LEPR: variants seen among roughly 807,000 people sequenced by gnomAD.
LEPR encodes OB receptor.
In LEPR, 56 loss-of-function variants were observed where a neutral mutation model predicts 114.7. The ratio of observed to expected loss-of-function variants is 0.49; its 90% confidence interval spans 0.39 to 0.61. LEPR has a LOEUF of 0.61. Ranked by LOEUF, LEPR falls within the 20% of genes least tolerant of loss-of-function variation. The pLI, the probability that LEPR is intolerant of heterozygous loss-of-function variation, is 0.00. For missense variants in LEPR, 1,202 were observed against 1,352.9 expected, an observed-to-expected ratio of 0.89 and a Z score of 1.75; for synonymous variants, 443 against 461.4, an observed-to-expected ratio of 0.96 and a Z score of 0.51.
At chr1:65,431,604 A>T (rs538799111) in intron 2 of LEPR, among the ~76,000 whole-genome samples, 6 of 152,348 alleles carry the variant, frequency 3.9e-5, no homozygotes, top group African/African-American at 1.4e-4. Context: ...TAAGGATGAT[A>T]CCAGACTTAA....
intron 8 of LEPR, among the ~76,000 whole-genome samples, chr1:65,600,197 G>A (rs1281734731): frequency 6.6e-6 from 1 of 152,098 alleles, no homozygotes; most frequent in African/African-American, 2.4e-5. Context: ...ACTGAAGGTA[G>A]GTTAAGATAG....
intron 1 of LEPR, among the ~76,000 whole-genome samples, chr1:65,423,269 A>G (rs1025402838): frequency 6.6e-5 from 10 of 152,134 alleles, no homozygotes; most frequent in African/African-American, 2.2e-4. Flanking sequence ...TGGGTTGAAC[A>G]TAAGTTTTCA....
At chr1:65,439,344 A>T (rs1646615273) in intron 2 of LEPR, among the ~76,000 whole-genome samples, 1 of 152,234 alleles carries the variant, frequency 6.6e-6, no homozygotes, top group Non-Finnish European at 1.5e-5. Context: ...ATATAAATCA[A>T]TTGAATAGAA....
chr1:65,512,253 A>G (rs1649072336), intron 2 of LEPR, among the ~76,000 whole-genome samples: 1 of 152,124 alleles, frequency 6.6e-6, no homozygotes, highest in Non-Finnish European at 1.5e-5. Context: ...TTCAATAGAA[A>G]CTGCCCCCAT....
chr1:65,606,765 A>G lies in LEPR; in HGVS notation c.1603+1528A>G, dbSNP rs115609856. The stretch of plus-strand genomic sequence containing the variant: ...TTCCTTTCCTGACAAGAAATTATCA[A>G]GAGGTGAAATACAGTATATATCATC... On this transcript the variant is annotated intron_variant, in intron 11 of 19. Coordinates refer to ENST00000349533, the MANE Select transcript of LEPR (RefSeq NM_002303.6). Among the ~76,000 whole-genome samples the G allele has an allele frequency of 6.8e-3, 1,029 of 152,340 alleles. 8 individuals are homozygous for G. Among genetic ancestry groups the G allele is most frequent in the African/African-American group, 0.022 (917 of 41,574 alleles).
intron 7 of LEPR, among the ~76,000 whole-genome samples, chr1:65,598,177 A>G (rs1348743771): frequency 1.4e-5 from 2 of 140,450 alleles, no homozygotes; most frequent in Non-Finnish European, 1.5e-5. Context: ...CAAGTGGTCT[A>G]CCCACTTCGG....
chr1:65,455,353 G>A (rs879811809), intron 2 of LEPR, among the ~76,000 whole-genome samples: 1 of 152,186 alleles, frequency 6.6e-6, no homozygotes, highest in South Asian at 2.1e-4. Context: ...GAGGAGGAGA[G>A]GTGCTCTGCT....
intron 2 of LEPR, among the ~76,000 whole-genome samples, chr1:65,540,631 T>A (rs1012063960): frequency 6.6e-6 from 1 of 152,198 alleles, no homozygotes; most frequent in Non-Finnish European, 1.5e-5. Context: ...TGAACCAAAA[T>A]AAAACACTTT....
intron 2 of LEPR, among the ~76,000 whole-genome samples, chr1:65,543,401 T>G (rs1399421261): frequency 6.6e-6 from 1 of 151,962 alleles, no homozygotes; most frequent in Non-Finnish European, 1.5e-5. Flanking sequence ...AATTTTCTCC[T>G]ATTCCGTAGG....
intron 2 of LEPR, chr1:65,433,564 G>A (rs910661264): frequency 1.0e-6 from 1 of 984,886 alleles, no homozygotes; most frequent in East Asian, 1.1e-4. Flanking sequence ...TAATTAGCAG[G>A]TATGATGCTG....
At chr1:65,603,351 TCA>T (rs35530125) in intron 10 of LEPR, among the ~76,000 whole-genome samples, 34 of 149,794 alleles carry the variant, frequency 2.3e-4, no homozygotes, top group Middle Eastern at 3.4e-3. Context: ...CACCATTTAT[TCA>T]CACACACACA....
In LEPR at chr1:65,636,381, T is replaced by A. The variant is rs1371343913; in HGVS notation, c.2864T>A (p.Ile955Asn). 6.2e-7 allele frequency: 1 copy of A among 1,614,090 alleles called. No homozygotes were observed. Among genetic ancestry groups the A allele is most frequent in the Non-Finnish European group, 8.5e-7 (1 of 1,179,996 alleles). The change falls in exon 20 of 20, where the codon ATT (isoleucine) becomes AAT (asparagine). Residue 955 changes from isoleucine to asparagine, a missense_variant. Transcript: ENST00000349533. ...GATCTTGAAAAGGGTTCTGTTTGTA[T>A]TAGTGACCAGTTCAACAGTGTTAAC... ...TTDLEKGSVCISDQFNSVNFS... is the reference protein window; with the variant it reads ...TTDLEKGSVCNSDQFNSVNFS...
chr1:65,436,757 A>C (rs1646569318), intron 2 of LEPR, among the ~76,000 whole-genome samples: 1 of 152,252 alleles, frequency 6.6e-6, no homozygotes, highest in Admixed American at 6.5e-5. Flanking sequence ...GAATAATTCT[A>C]AGTGTTTACA....
At chr1:65,550,085 C>A (rs1417968166) in intron 2 of LEPR, among the ~76,000 whole-genome samples, 1 of 152,176 alleles carries the variant, frequency 6.6e-6, no homozygotes, top group East Asian at 1.9e-4. Flanking sequence ...CCACTCCAGA[C>A]CCTGTTTGCC....
chr1:65,453,834 C>T (rs555252117), intron 2 of LEPR, among the ~76,000 whole-genome samples: 37 of 151,800 alleles, frequency 2.4e-4, no homozygotes, highest in Admixed American at 7.2e-4. Flanking sequence ...TCCTGGGTAT[C>T]CTTGTTGACT....
At chr1:65,438,113 C>CTTTTTTTTTTTTT (rs36053447) in intron 2 of LEPR, among the ~76,000 whole-genome samples, 1 of 87,762 alleles carries the variant, frequency 1.1e-5, no homozygotes, top group Non-Finnish European at 2.1e-5. Flanking sequence ...TCCTAGCCGC[C>CTTTTTTTTTTTTT]TTTTTTTTTT....
At chr1:65,443,227 A>C (rs1219630086) in intron 2 of LEPR, among the ~76,000 whole-genome samples, 1 of 152,134 alleles carries the variant, frequency 6.6e-6, no homozygotes, top group Admixed American at 6.6e-5. Flanking sequence ...GTATCAAAAA[A>C]ATCAATTGCT....
Position 65,558,501 on chromosome 1 carries a change from G to GTTTTTTTTTTTTTTTTTTTTTTTTTTTT in LEPR, c.-20-7030_-20-7029insTTTTTTTTTTTTTTTTTTTTTTTTTTTT. Among the ~76,000 whole-genome samples, 2 of 23,168 alleles carry GTTTTTTTTTTTTTTTTTTTTTTTTTTTT rather than the reference G, an allele frequency of 8.6e-5. 1 individual carries two copies. The highest frequency in any genetic ancestry group is 1.6e-4 in the Non-Finnish European group (2 of 12,146). 15.2% of individuals were successfully genotyped at this position (23,168 alleles called of 152,430 possible). On this transcript the variant is annotated intron_variant, in intron 2 of 19. Transcript: ENST00000349533. ...TGAGTCATGAGACATGTTTCTTAATGTTTTTTTTTTTTTTTGAATCAGAAG... is the reference window on the plus strand; with the variant it reads ...TGAGTCATGAGACATGTTTCTTAATGTTTTTTTTTTTTTTTTTTTTTTTTTTTTTTTTTTTTTTTTTTTGAATCAGAAG...
At chr1:65,556,538 GC>G (rs1484721254) in intron 2 of LEPR, among the ~76,000 whole-genome samples, 1 of 152,004 alleles carries the variant, frequency 6.6e-6, no homozygotes, top group Non-Finnish European at 1.5e-5. Context: ...CTTCCTCATG[GC>G]GTTGATACAC....
Sources: gnomAD v4.1 joint callset for allele counts (sites outside exome capture counted in the v4.1 genomes callset) on GRCh38, gnomAD v4.1.1 for gene constraint, MANE v1.5 for transcripts, NCBI Gene and HGNC (gene_info 2026-07-23, HGNC 2026-07-21) for gene names.